HS3ST5: variants seen among roughly 807,000 people sequenced by gnomAD.
HS3ST5 encodes the protein heparan sulfate-glucosamine 3-sulfotransferase 5, also known as heparan sulfate glucosamine 3-O-sulfotransferase 5.
In HS3ST5, 10 loss-of-function variants were observed where a neutral mutation model predicts 25.4. The observed-to-expected ratio is 0.39, with a 90% CI of 0.24 to 0.67. HS3ST5 has a LOEUF of 0.67. HS3ST5 is among the 30% of genes least tolerant of loss of function. The pLI is 0.44. For missense variants in HS3ST5, 324 were observed against 420.7 expected (o/e 0.77, Z 2.01); for synonymous variants, 170 against 162.4 (o/e 1.05, Z -0.36).
intron 3 of HS3ST5, chr6:114,142,903 G>A (rs1777979786): frequency 6.6e-6 from 1 of 152,210 alleles, no homozygotes; most frequent in Non-Finnish European, 1.5e-5. Flanking sequence ...TAGTACCACA[G>A]CAATTATCTT....
At chr6:114,318,608 A>T (rs545074389) in intron 1 of HS3ST5, among the ~76,000 whole-genome samples, 2 of 152,190 alleles carry the variant, frequency 1.3e-5, no homozygotes, top group Admixed American at 6.6e-5. Context: ...CTTTATAATT[A>T]ACTGAGTCCT....
chr6:114,317,194 C>G (rs1471064563), intron 1 of HS3ST5, among the ~76,000 whole-genome samples: 1 of 152,096 alleles, frequency 6.6e-6, no homozygotes, highest in African/African-American at 2.4e-5. Flanking sequence ...CCAACGTCCC[C>G]CTAAAAGCTA....
At chr6:114,110,043 C>T (rs1319983954) in intron 3 of HS3ST5, among the ~76,000 whole-genome samples, 1 of 152,140 alleles carries the variant, frequency 6.6e-6, no homozygotes, top group Admixed American at 6.5e-5. Flanking sequence ...GTAAGCTCCT[C>T]AAGGGCAGGG....
chr6:114,119,622 T>C (rs1776685447), intron 3 of HS3ST5, among the ~76,000 whole-genome samples: 1 of 152,176 alleles, frequency 6.6e-6, no homozygotes, highest in Non-Finnish European at 1.5e-5. Context: ...ATATTTGTGA[T>C]ATCCTAATTA....
At position 114,158,321 on chromosome 6, in the gene HS3ST5, T is replaced by C. The variant is rs1005307371; in HGVS notation, c.-33+10030A>G. Among the ~76,000 whole-genome samples the C allele has an allele frequency of 7.2e-5, 11 of 152,264 alleles. No homozygotes were observed. The South Asian group carries it at 8.3e-4, about 11-fold the overall frequency. ...GTTGATTATATAACATGTCTGTCTA[T>C]GCATAAATTATGAGCAGCAGAATCT... On this transcript the variant is annotated intron_variant, in intron 3 of 4. Transcript: ENST00000312719.
intron 3 of HS3ST5, among the ~76,000 whole-genome samples, chr6:114,064,016 G>GA (rs955458581): frequency 1.3e-4 from 20 of 152,196 alleles, no homozygotes; most frequent in African/African-American, 4.6e-4. Flanking sequence ...AAATTTTGGG[G>GA]AAAAATGCAA....
intron 1 of HS3ST5, among the ~76,000 whole-genome samples, chr6:114,312,462 C>T (rs1028971729): frequency 6.6e-6 from 1 of 152,082 alleles, no homozygotes; most frequent in Admixed American, 6.5e-5. Context: ...AGAGAAGATC[C>T]TTGAGGTAGA....
intron 3 of HS3ST5, chr6:114,084,689 A>G: frequency 1.6e-6 from 2 of 1,271,964 alleles, no homozygotes; most frequent in Non-Finnish European, 2.3e-6. Context: ...AACCACAAGA[A>G]GCCGTGGCTC....
intron 3 of HS3ST5, among the ~76,000 whole-genome samples, chr6:114,094,937 C>G (rs1430294955): frequency 6.6e-6 from 1 of 152,120 alleles, no homozygotes; most frequent in Non-Finnish European, 1.5e-5. Context: ...CCTTCAGCTG[C>G]TAGAAACTGA....
chr6:114,320,375 T>C (rs1775915688), intron 1 of HS3ST5, among the ~76,000 whole-genome samples: 1 of 152,150 alleles, frequency 6.6e-6, no homozygotes, highest in African/African-American at 2.4e-5. Context: ...TGATTCATTA[T>C]GTCTTCCAAA....
intron 3 of HS3ST5, among the ~76,000 whole-genome samples, chr6:114,164,093 T>C (rs1779097810): frequency 6.6e-6 from 1 of 152,156 alleles, no homozygotes; most frequent in Non-Finnish European, 1.5e-5. Flanking sequence ...CATCCTGTTA[T>C]ATGTCAAAGA....
At chr6:114,259,948 T>C (rs1313816517) in intron 1 of HS3ST5, among the ~76,000 whole-genome samples, 1 of 152,228 alleles carries the variant, frequency 6.6e-6, no homozygotes, top group East Asian at 1.9e-4. Flanking sequence ...ATTTAACTTA[T>C]GCTATGTCAC....
Position 114,342,759 on chromosome 6 carries a change from A to G in HS3ST5, c.-903T>C, listed in dbSNP as rs1047452373. Reference sequence around the variant, plus strand: ...TCCTCGGGCAGCCCGCTCCCTCCCAATCCGCCCAAAAGAGCAACACTCAGT... The same window carrying G: ...TCCTCGGGCAGCCCGCTCCCTCCCAGTCCGCCCAAAAGAGCAACACTCAGT... On this transcript the variant is annotated 5_prime_UTR_variant, in exon 1 of 5. Transcript: ENST00000312719. 6.6e-6 allele frequency: 1 copy of G among 152,450 alleles called. No homozygotes were observed. The highest frequency in any genetic ancestry group is 1.5e-5 in the Non-Finnish European group (1 of 68,338). 9.4% of individuals were successfully genotyped at this position (152,450 alleles called of 1,614,324 possible).
At chr6:114,173,629 C>T (rs1033881625) in intron 2 of HS3ST5, among the ~76,000 whole-genome samples, 2 of 152,144 alleles carry the variant, frequency 1.3e-5, no homozygotes, top group African/African-American at 4.8e-5. Flanking sequence ...GAGGCTGAGG[C>T]AGGTGGATCA....
intron 2 of HS3ST5, chr6:114,220,723 C>T (rs1347955976): frequency 3.3e-5 from 5 of 151,846 alleles, no homozygotes; most frequent in East Asian, 1.9e-4. Context: ...TAAACAGCTC[C>T]GACCCTGCTT....
chr6:114,313,481 A>C (rs548530209), intron 1 of HS3ST5, among the ~76,000 whole-genome samples: 4 of 152,372 alleles, frequency 2.6e-5, no homozygotes, highest in Non-Finnish European at 4.4e-5. Context: ...TGGTATGTCC[A>C]TACAACTGAA....
Position 114,062,753 on chromosome 6 carries a change from A to C in HS3ST5, c.93T>G (p.Val31=), listed in dbSNP as rs1329533097. ...TAAGCACCCACCTATCCAAGCTCCC[A>C]ACTCTGGCGACTAGATACAGGAGAC... ...VGSLLYLVAR[V]GSLDRLQPIC... The change falls in exon 4 of 5, where the codon GTT becomes GTG. Residue 31 remains valine, a synonymous_variant. Coordinates refer to ENST00000312719, the MANE Select transcript of HS3ST5 (RefSeq NM_153612.4). 1 of 1,613,638 alleles carries C rather than the reference A, an allele frequency of 6.2e-7. No individual in the cohort carries two copies. The highest frequency in any genetic ancestry group is 1.7e-5 in the Admixed American group (1 of 60,008).
At chr6:114,073,571 G>T (rs937058570) in intron 3 of HS3ST5, among the ~76,000 whole-genome samples, 2 of 152,142 alleles carry the variant, frequency 1.3e-5, no homozygotes, top group Non-Finnish European at 2.9e-5. Flanking sequence ...GAGAAATGCA[G>T]ATCAAAACTA....
At chr6:114,274,378 A>G (rs951696609) in intron 1 of HS3ST5, among the ~76,000 whole-genome samples, 3 of 152,066 alleles carry the variant, frequency 2.0e-5, no homozygotes, top group African/African-American at 7.2e-5. Context: ...GTGATCACCA[A>G]TGTAAAGTGA....
Sources: gnomAD v4.1 joint callset for allele counts (sites outside exome capture counted in the v4.1 genomes callset) on GRCh38, gnomAD v4.1.1 for gene constraint, MANE v1.5 for transcripts, NCBI Gene and HGNC (gene_info 2026-07-23, HGNC 2026-07-21) for gene names.